The following TTN variants were observed in gnomAD, a reference collection of about 807,000 sequenced individuals.
TTN encodes the protein connectin.
TTN carries 1,525 observed loss-of-function variants against 3,223.0 expected under a neutral mutation model. The observed-to-expected ratio is 0.47, with a 90% CI of 0.45 to 0.49. The LOEUF (loss-of-function observed/expected upper bound fraction) is 0.49. Among genes scored for constraint, TTN ranks in the 20% least tolerant of loss-of-function variants. The pLI, the probability that TTN is intolerant of heterozygous loss-of-function variation, is 0.00. For missense variants in TTN, 40,786 were observed against 43,424.0 expected (o/e 0.94, Z 5.40); for synonymous variants, 14,094 against 15,161.0 (o/e 0.93, Z 5.17).
In TTN at chr2:178,630,852, A is replaced by G; in HGVS notation, c.44106T>C (p.Asp14702=). The change falls in exon 238 of 363, where the codon GAT becomes GAC. Residue 14702 remains aspartate, a synonymous_variant. Transcript: ENST00000589042. ...CCTTGAGTTTCCAGTTGGCGTGGAT[A>G]TCATCTTCAGAGATTTCGGTTTCAA... is the stretch of plus-strand genomic sequence containing the variant. ...ARFETEISED[D]IHANWKLKGE... is the part of the protein sequence containing the mutation. The G allele has an allele frequency of 6.2e-7, 1 of 1,613,382 alleles. No homozygotes were observed. Among genetic ancestry groups the G allele is most frequent in the Non-Finnish European group, 8.5e-7 (1 of 1,179,514 alleles).
rs1226755893 is a variant in TTN, at chr2:178,534,210, A to G, written c.102405T>C (p.Ile34135=). 6.2e-7 allele frequency: 1 copy of G among 1,613,852 alleles called. No individual in the cohort carries two copies. The highest frequency in any genetic ancestry group is 1.7e-5 in the Admixed American group (1 of 59,996). Residue 34135 remains isoleucine, a synonymous_variant, in exon 358 of 363, where the codon ATT becomes ATC. Coordinates refer to ENST00000589042, the MANE Select transcript of TTN (RefSeq NM_001267550.2). ...GCATTATCTGCCCAGAAACTGGGCCAATTTCAATGGATGCCACTTTAACTT... is the reference window on the plus strand; with the variant it reads ...GCATTATCTGCCCAGAAACTGGGCCGATTTCAATGGATGCCACTTTAACTT... ...VAKVKVASIE[I]GPVSGQIMHA... is the part of the protein sequence containing the mutation.
At position 178,539,158 on chromosome 2, in the gene TTN, C is replaced by T; in HGVS notation, c.98777G>A (p.Gly32926Asp). 6.2e-7 allele frequency: 1 copy of T among 1,613,794 alleles called. No individual in the cohort carries two copies. Residue 32926 changes from glycine to aspartate, a missense_variant, in exon 353 of 363, where the codon GGT becomes GAT. Coordinates refer to ENST00000589042, the MANE Select transcript of TTN (RefSeq NM_001267550.2). ...LSWSRPKDDG[G>D]SRVTGYYIER... ...GATGTAGTAGCCTGTGACTCTAGAA[C>T]CACCATCATCTTTGGGCCGGGACCA...
At chr2:178,723,357 A>G in intron 74 of TTN, 33 bp from the exon 75 acceptor site, 1 of 1,604,488 alleles carries the variant, frequency 6.2e-7, no homozygotes, top group Non-Finnish European at 8.5e-7. Context: ...AGTTAAACAC[A>G]AGAAAAACAC....
rs760986090 is a variant in TTN at position 178,715,951 on chromosome 2, T to C, written c.25640-177A>G. ...AATAGAAAATTTCTAAAATAAAATATGCTTGTTTTTGTAAGCATCCACATC... is the reference window on the plus strand; with the variant it reads ...AATAGAAAATTTCTAAAATAAAATACGCTTGTTTTTGTAAGCATCCACATC... On this transcript the variant is annotated intron_variant, in intron 88 of 362. Transcript: ENST00000589042. Among the ~76,000 whole-genome samples the C allele has an allele frequency of 3.9e-4, 60 of 152,236 alleles. 1 individual carries two copies. The highest frequency in any genetic ancestry group is 3.4e-3 in the Middle Eastern group (1 of 294).
At chr2:178,540,411 A>G in intron 350 of TTN, 41 bp from the exon 351 acceptor site, 2 of 1,512,780 alleles carry the variant, frequency 1.3e-6, no homozygotes, top group Non-Finnish European at 1.8e-6. Context: ...AAGTTGCTGC[A>G]AAGTTGAAAA....
Position 178,537,199 on chromosome 2 carries a change from A to G in TTN, c.99910T>C (p.Leu33304=), listed in dbSNP as rs1162207200. 4 of 1,611,824 alleles carry G rather than the reference A, an allele frequency of 2.5e-6. No individual in the cohort carries two copies. Among genetic ancestry groups the G allele is most frequent in the South Asian group, 1.1e-5 (1 of 91,012 alleles). The change falls in exon 356 of 363, where the codon TTG becomes CTG. Residue 33304 remains leucine (L), a synonymous_variant. Coordinates refer to ENST00000589042, the MANE Select transcript of TTN (RefSeq NM_001267550.2). ...PTGPIVIEAL[L]KNSAVISWKP... The stretch of plus-strand genomic sequence containing the variant: ...CAGCTGATCACTGCGGAGTTCTTCA[A>G]TAGAGCTTCGATCACAATTGGTCCT...
At chr2:178,801,092 G>A (rs2094037557) in intron 3 of TTN, among the ~76,000 whole-genome samples, 1 of 152,158 alleles carries the variant, frequency 6.6e-6, no homozygotes, top group African/African-American at 2.4e-5. Flanking sequence ...TCCAGTGGTT[G>A]CTACGATGGG....
Position 178,531,991 on chromosome 2 carries a change from C to G in TTN, c.104624G>C (p.Arg34875Thr). Reference protein sequence around the residue: ...AEEYEDDTERRSPTPERTRPR... With the variant: ...AEEYEDDTERTSPTPERTRPR... ...GCGAGTTCTCTCTGGAGTAGGTGAC[C>G]TTCTTTCTGTGTCATCTTCGTATTC... Residue 34875 changes from arginine to threonine, a missense_variant, in exon 358 of 363, where the codon AGG (arginine) becomes ACG (threonine). By Grantham distance (71) the Arg-to-Thr change is moderately conservative (BLOSUM62 -1). Coordinates refer to ENST00000589042, the MANE Select transcript of TTN (RefSeq NM_001267550.2). The G allele has an allele frequency of 6.2e-7, 1 of 1,613,782 alleles. No individual in the cohort carries two copies. Among genetic ancestry groups the G allele is most frequent in the South Asian group, 1.1e-5 (1 of 91,060 alleles).
At position 178,537,473 on chromosome 2, in the gene TTN, A is replaced by G. The variant is rs749517808; in HGVS notation, c.99734T>C (p.Ile33245Thr). The G allele has an allele frequency of 1.1e-5, 17 of 1,613,492 alleles. No homozygotes were observed. The highest frequency in any genetic ancestry group is 2.2e-5 in the South Asian group (2 of 91,064). Residue 33245 changes from isoleucine (I) to threonine (T), a missense_variant, in exon 355 of 363, where the codon ATT (isoleucine) becomes ACT (threonine). Physicochemically the swap from Ile to Thr is moderately conservative, Grantham distance 89. Transcript: ENST00000589042. The part of the protein sequence containing the change: ...KLLQNSENIT[I>T]ENTEHYTHLV... ...ATGAGTATAGTGCTCAGTGTTTTCA[A>G]TAGTAATGTTTTCTGAGTTTTGCAA...
intron 170 of TTN, 35 bp downstream of exon 170, chr2:178,663,783 GA>G: frequency 6.2e-7 from 1 of 1,611,106 alleles, no homozygotes; most frequent in Non-Finnish European, 8.5e-7. Context: ...AAGAGCAAAA[GA>G]ATGAGATCTG....
chr2:178,551,980 A>T lies in TTN; in HGVS notation c.90920T>A (p.Val30307Asp), dbSNP rs1452208068. ...FRVRAENRYG[V>D]SQPLVSSIIV... The stretch of plus-strand genomic sequence containing the variant: ...AATGCTTGAGACAAGTGGTTGGCTG[A>T]CTCCGTATCTGTTTTCTGCTCTCAC... Residue 30307 changes from valine (V) to aspartate (D), a missense_variant, in exon 335 of 363, where the codon GTC becomes GAC. By Grantham distance (152) the Val-to-Asp change is radical. Transcript: ENST00000589042. The T allele has an allele frequency of 6.2e-7, 1 of 1,611,332 alleles. No homozygotes were observed. Among genetic ancestry groups the T allele is most frequent in the Non-Finnish European group, 8.5e-7 (1 of 1,177,816 alleles).
Position 178,593,325 on chromosome 2 carries a change from A to G in TTN, c.58883T>C (p.Val19628Ala). The change falls in exon 299 of 363, where the codon GTT becomes GCT. Residue 19628 changes from valine to alanine, a missense_variant. Transcript: ENST00000589042. ...RETMSKRWAR[V>A]TKDPIHPYTK... ...GTATGGATGAATAGGATCTTTGGTA[A>G]CTCTAGCCCATCGTTTAGACATAGT... 6.2e-7 allele frequency: 1 copy of G among 1,613,208 alleles called. No homozygotes were observed. The highest frequency in any genetic ancestry group is 8.5e-7 in the Non-Finnish European group (1 of 1,179,536).
intron 108 of TTN, 41 bp from the exon 109 acceptor site, chr2:178,702,107 G>T (rs1285894961): frequency 3.1e-6 from 5 of 1,613,056 alleles, no homozygotes; most frequent in Non-Finnish European, 4.2e-6. Context: ...TGTTCAGAAT[G>T]GTATAGGTAG....
At chr2:178,597,424 G>C in intron 294 of TTN, 114 bp downstream of exon 294, 1 of 1,227,112 alleles carries the variant, frequency 8.1e-7, no homozygotes, top group Non-Finnish European at 1.1e-6. Flanking sequence ...CATGATTATG[G>C]GTGATTTTTC....
intron 29 of TTN, 29 bp from the exon 30 acceptor site, chr2:178,774,502 AT>A (rs762701626): frequency 3.7e-6 from 6 of 1,605,128 alleles, no homozygotes; most frequent in South Asian, 3.3e-5. Context: ...AGATAAATCA[AT>A]TTTTTTGGAG....
Position 178,634,327 on chromosome 2 carries a change from GC to G in TTN, c.42415+38del. ...TATCTTTAAAGTCATATATTTGCATGCCTTTATGGGATGTCACAGATCTCAT... is the reference window on the plus strand; with the variant it reads ...TATCTTTAAAGTCATATATTTGCATGCTTTATGGGATGTCACAGATCTCAT... On this transcript the variant is annotated intron_variant, in intron 230 of 362. Coordinates refer to ENST00000589042, the MANE Select transcript of TTN (RefSeq NM_001267550.2). This position sits in a 1 kb window ranked among gnomAD's most constrained non-coding sequence, Gnocchi z 4.6. 1 of 1,574,174 alleles carries G rather than the reference GC, an allele frequency of 6.4e-7. No homozygotes were observed. The highest frequency in any genetic ancestry group is 8.5e-7 in the Non-Finnish European group (1 of 1,169,752).
intron 201 of TTN, 23 bp from the exon 202 acceptor site, chr2:178,652,564 A>T: frequency 6.2e-7 from 1 of 1,612,784 alleles, no homozygotes. Context: ...TAGTGAAATT[A>T]CATTTAGAAG....
rs772536290 is a variant in TTN at position 178,558,418 on chromosome 2, C to G, written c.87041G>C (p.Arg29014Pro). The change falls in exon 327 of 363, where the codon CGA becomes CCA. Residue 29014 changes from arginine (R) to proline (P), a missense_variant. Physicochemically the swap from Arg to Pro is moderately radical, Grantham distance 103 (BLOSUM62 -2). Coordinates refer to ENST00000589042, the MANE Select transcript of TTN (RefSeq NM_001267550.2). ...GCCAGCTTGATTTTCAGCAAACACTCGGAAAAAGTATTCAGAATTCTCTCT... is the reference window on the plus strand; with the variant it reads ...GCCAGCTTGATTTTCAGCAAACACTGGGAAAAAGTATTCAGAATTCTCTCT... ...GLRENSEYFF[R>P]VFAENQAGLS... 6.2e-7 allele frequency: 1 copy of G among 1,613,742 alleles called. No individual in the cohort carries two copies. Among genetic ancestry groups the G allele is most frequent in the East Asian group, 2.2e-5 (1 of 44,780 alleles).
rs763175453 is a variant in TTN, at chr2:178,559,796, C to T, written c.86336G>A (p.Arg28779Gln). Residue 28779 changes from arginine to glutamine, a missense_variant, in exon 326 of 363, where the codon CGA (arginine) becomes CAA (glutamine). By Grantham distance (43) the Arg-to-Gln change is conservative. Coordinates refer to ENST00000589042, the MANE Select transcript of TTN (RefSeq NM_001267550.2). ...GASFTMTVPF[R>Q]GRPVPNVLWS... Reference sequence around the variant, plus strand: ...CAAGACATTGGGTACTGGTCTTCCTCGGAAAGGCACAGTCATGGTAAATGA... The same window carrying T: ...CAAGACATTGGGTACTGGTCTTCCTTGGAAAGGCACAGTCATGGTAAATGA... 48 of 1,607,774 alleles carry T rather than the reference C, an allele frequency of 3.0e-5. No individual in the cohort carries two copies. The highest frequency in any genetic ancestry group is 1.1e-4 in the South Asian group (10 of 90,394).
Sources: gnomAD v4.1 joint callset for allele counts (sites outside exome capture counted in the v4.1 genomes callset) on GRCh38, gnomAD v4.1.1 for gene constraint, Gnocchi (gnomAD v3.1) non-coding constraint, MANE v1.5 for transcripts, NCBI Gene and HGNC (gene_info 2026-07-23, HGNC 2026-07-21) for gene names.